Variants in GAS2 observed in about 807,000 individuals in gnomAD.
GAS2 encodes growth arrest-specific protein 2.
Under a neutral mutation model 37.5 loss-of-function variants are expected in GAS2, and 20 were observed. That is an observed-to-expected ratio of 0.53 (90% CI 0.37 to 0.77). GAS2 has a LOEUF of 0.77. Among genes scored for constraint, GAS2 ranks in the 30% least tolerant of loss-of-function variants. GAS2 has a pLI of 0.00. For missense variants in GAS2, 336 were observed against 373.4 expected (o/e 0.90, Z 0.82); for synonymous variants, 144 against 132.2 (o/e 1.09, Z -0.61).
chr11:22,770,278 A>G (rs1179776418), intron 7 of GAS2, among the ~76,000 whole-genome samples: 1 of 152,196 alleles, frequency 6.6e-6, no homozygotes, highest in Non-Finnish European at 1.5e-5. Context: ...ACAAACCTGC[A>G]CTTTCTGCAC....
intron 1 of GAS2, among the ~76,000 whole-genome samples, chr11:22,643,540 C>A (rs941660155): frequency 6.7e-6 from 1 of 150,246 alleles, no homozygotes. Flanking sequence ...CCTATTAATA[C>A]ACAGATCACC....
chr11:22,755,247 GTAGGGTTTGA>G (rs1853961909), intron 6 of GAS2, among the ~76,000 whole-genome samples: 1 of 152,212 alleles, frequency 6.6e-6, no homozygotes, highest in South Asian at 2.1e-4. Context: ...GGTCAAAGAA[GTAGGGTTTGA>G]TAGGTAGGAA....
chr11:22,637,436 TATAC>T, intron 1 of GAS2, among the ~76,000 whole-genome samples: 1 of 40,424 alleles, frequency 2.5e-5, no homozygotes, highest in Admixed American at 5.1e-4. Context: ...ATATTAATAG[TATAC>T]TTAATATAAT....
At chr11:22,633,383 A>G (rs941299060) in intron 1 of GAS2, among the ~76,000 whole-genome samples, 1 of 152,222 alleles carries the variant, frequency 6.6e-6, no homozygotes, top group Non-Finnish European at 1.5e-5. Context: ...GATGCTGGTT[A>G]TAGTAGCAAT....
rs570002587 is a variant in GAS2, at chr11:22,688,321, G to A, written c.267+2532G>A. ...ATAAGAGACCCTTGTAAGTATTTTC[G>A]ATTAACTATAAGAAAATAAATACTT... is the stretch of plus-strand genomic sequence containing the variant. On this transcript the variant is annotated intron_variant, in intron 3 of 7. Coordinates refer to ENST00000454584, the MANE Select transcript of GAS2 (RefSeq NM_001143830.3). The A allele has an allele frequency of 3.3e-5, 5 of 151,956 alleles. No homozygotes were observed. In the East Asian group the frequency reaches 7.7e-4, roughly 24 times the overall value. The allele number at this position is 151,956 out of a possible 1,614,324, so 9.4% of individuals were successfully genotyped here.
At chr11:22,771,795 C>T (rs2134430837) in intron 7 of GAS2, among the ~76,000 whole-genome samples, 1 of 152,136 alleles carries the variant, frequency 6.6e-6, no homozygotes, top group East Asian at 1.9e-4. Flanking sequence ...AATGTATTTC[C>T]TTAACCATCA....
At chr11:22,751,972 A>G (rs572851352) in intron 6 of GAS2, among the ~76,000 whole-genome samples, 1 of 152,142 alleles carries the variant, frequency 6.6e-6, no homozygotes, top group East Asian at 1.9e-4. Context: ...AGTTTACCAG[A>G]ATTTAGAATA....
intron 5 of GAS2, among the ~76,000 whole-genome samples, chr11:22,743,824 C>G (rs1853228758): frequency 6.6e-6 from 1 of 151,940 alleles, no homozygotes; most frequent in Admixed American, 6.6e-5. Flanking sequence ...ATTGAGACCC[C>G]AAAATCCATA....
chr11:22,686,013 G>A (rs380231), intron 3 of GAS2, among the ~76,000 whole-genome samples: 55,947 of 151,986 alleles, frequency 0.37, 11,303 homozygotes, highest in African/African-American at 0.55. Flanking sequence ...AAGCTTATGA[G>A]AAATGATGGT....
chr11:22,692,065 T>C (rs975851044), intron 3 of GAS2, among the ~76,000 whole-genome samples: 5 of 152,000 alleles, frequency 3.3e-5, no homozygotes, highest in East Asian at 1.9e-4. Context: ...GTAAATCATA[T>C]AGAATAAAAA....
chr11:22,799,287 TA>T (rs1350193087), intron 7 of GAS2, among the ~76,000 whole-genome samples: 2 of 152,038 alleles, frequency 1.3e-5, no homozygotes, highest in Non-Finnish European at 1.5e-5. Flanking sequence ...CCATGGCACT[TA>T]AGCATTAAAA....
chr11:22,763,713 T>G (rs997447679), intron 7 of GAS2, among the ~76,000 whole-genome samples: 2 of 152,064 alleles, frequency 1.3e-5, no homozygotes, highest in Admixed American at 6.6e-5. Context: ...TAAAATTATA[T>G]TAATGCCTAG....
chr11:22,644,394 T>C (rs1848664368), intron 1 of GAS2, among the ~76,000 whole-genome samples: 1 of 152,124 alleles, frequency 6.6e-6, no homozygotes, highest in African/African-American at 2.4e-5. Flanking sequence ...CTTTCCAGTA[T>C]TGTTTTTATC....
At chr11:22,680,241 C>A (rs563146896) in intron 2 of GAS2, among the ~76,000 whole-genome samples, 1 of 152,038 alleles carries the variant, frequency 6.6e-6, no homozygotes, top group Non-Finnish European at 1.5e-5. Flanking sequence ...ACAGAATCAC[C>A]TTCATGTTCA....
intron 3 of GAS2, among the ~76,000 whole-genome samples, chr11:22,701,540 C>G (rs1434266752): frequency 6.6e-6 from 1 of 151,938 alleles, no homozygotes; most frequent in Non-Finnish European, 1.5e-5. Context: ...AAAAATAGTT[C>G]GGAAAGGGCT....
At chr11:22,780,064 G>A (rs143141721) in intron 7 of GAS2, among the ~76,000 whole-genome samples, 60 of 152,276 alleles carry the variant, frequency 3.9e-4, no homozygotes, top group Non-Finnish European at 6.9e-4. Flanking sequence ...AGTACATTGC[G>A]TAGTATATAC....
chr11:22,749,186 T>G lies in GAS2; in HGVS notation c.540T>G (p.Ser180=), dbSNP rs1853586406. The G allele has an allele frequency of 1.9e-6, 3 of 1,612,714 alleles. No homozygotes were observed. Among genetic ancestry groups the G allele is most frequent in the Non-Finnish European group, 2.5e-6 (3 of 1,179,184 alleles). ...EKEIEQEETL[S]APSPSPSPSS... is the part of the protein sequence containing the mutation. The stretch of plus-strand genomic sequence containing the variant: ...AGATTGAACAAGAAGAAACACTTTC[T>G]GCCCCTTCTCCTTCACCTTCTCCTT... The change falls in exon 6 of 8, where the codon TCT becomes TCG. Residue 180 remains serine, a synonymous_variant. Coordinates refer to ENST00000454584, the MANE Select transcript of GAS2 (RefSeq NM_001143830.3).
intron 1 of GAS2, among the ~76,000 whole-genome samples, chr11:22,650,129 G>A (rs1362849414): frequency 0.01 from 1,562 of 151,804 alleles, 26 homozygotes; most frequent in African/African-American, 0.034. Context: ...CTTTTTTCTC[G>A]TTGGTTTCAA....
chr11:22,663,436 T>C (rs765649793), upstream of GAS2, among the ~76,000 whole-genome samples: 26 of 151,614 alleles, frequency 1.7e-4, no homozygotes, highest in Non-Finnish European at 3.5e-4. Context: ...AAAAAATAAA[T>C]GAATAAAAGT....
Sources: allele counts gnomAD v4.1 joint callset (sites outside exome capture counted in the v4.1 genomes callset), GRCh38; gene constraint gnomAD v4.1.1; transcripts MANE v1.5; gene names NCBI Gene and HGNC (gene_info 2026-07-23, HGNC 2026-07-21).